LATS2: variants seen among roughly 807,000 people sequenced by gnomAD.
The protein encoded by LATS2 is serine/threonine-protein kinase LATS2.
A neutral mutation model predicts 76.0 loss-of-function variants in LATS2; 24 were observed. That is an observed-to-expected ratio of 0.32 (90% confidence interval 0.23 to 0.44). The LOEUF is 0.44. Among genes scored for constraint, LATS2 ranks in the 20% least tolerant of loss-of-function variants. The pLI is 1.00. For synonymous variants in LATS2, 692 were observed against 635.4 expected (o/e 1.09, Z -1.34); for missense variants, 1,286 against 1,481.2 (o/e 0.87, Z 2.16).
intron 7 of LATS2, among the ~76,000 whole-genome samples, chr13:20,975,845 G>A (rs1401173506): frequency 2.6e-5 from 4 of 152,016 alleles, no homozygotes; most frequent in East Asian, 3.9e-4. Context: ...CACCACACCC[G>A]GCTGATTTTT....
chr13:20,989,342 G>A (rs1870408011), intron 3 of LATS2, 38 bp from the exon 4 acceptor site: 2 of 1,607,268 alleles, frequency 1.2e-6, no homozygotes, highest in Non-Finnish European at 1.7e-6. Flanking sequence ...ATCAGAGTGG[G>A]TGTGATCAGT....
At chr13:21,059,951 C>A (rs761481661) in intron 1 of LATS2, among the ~76,000 whole-genome samples, 4 of 152,204 alleles carry the variant, frequency 2.6e-5, no homozygotes, top group Non-Finnish European at 5.9e-5. Flanking sequence ...GGAGACAGAG[C>A]GAGATCTTGT....
intron 2 of LATS2, among the ~76,000 whole-genome samples, chr13:20,993,035 C>CAAAAA (rs551359225): frequency 3.4e-4 from 30 of 88,974 alleles, no homozygotes; most frequent in African/African-American, 1.5e-3. Flanking sequence ...ACTCCATCTC[C>CAAAAA]AAAAAAAAAA....
chr13:21,010,649 T>C lies in LATS2; in HGVS notation c.343-19245A>G, dbSNP rs532770110. Among the ~76,000 whole-genome samples the C allele has an allele frequency of 1.2e-3, 176 of 152,314 alleles. 1 individual carries two copies. The highest frequency in any genetic ancestry group is 3.7e-3 in the African/African-American group (153 of 41,566). On this transcript the variant is annotated intron_variant, in intron 2 of 7. Coordinates refer to ENST00000382592, the MANE Select transcript of LATS2 (RefSeq NM_014572.3). The stretch of plus-strand genomic sequence containing the variant: ...GGAAGAGCCAATCCCTCAAGATGAA[T>C]CCTGAGCAGCCAACTGGGCCTTAGT...
Position 20,990,461 on chromosome 13 carries a change from A to ATTTTTT in LATS2, c.475+805_475+810dup, listed in dbSNP as rs35074574. ...GGGAAAACTCTTGCTAATTACTAGG[A>ATTTTTT]TTTTTTTTTTTTTTTTTTTTTTTTT... On this transcript the variant is annotated intron_variant, in intron 3 of 7. Transcript: ENST00000382592. Among the ~76,000 whole-genome samples the ATTTTTT allele has an allele frequency of 5.8e-3, 551 of 94,510 alleles. 51 individuals carry two copies. The highest frequency in any genetic ancestry group is 0.012 in the South Asian group (31 of 2,482). 62.0% of individuals were successfully genotyped at this position (94,510 alleles called of 152,430 possible).
chr13:20,989,462 A>T (rs1870413757), intron 3 of LATS2, among the ~76,000 whole-genome samples, 158 bp from the exon 4 acceptor site: 2 of 151,932 alleles, frequency 1.3e-5, no homozygotes, highest in Non-Finnish European at 2.9e-5. Context: ...GGGTCAGTGG[A>T]CTCCCCTCTG....
chr13:20,985,273 A>G (rs1870089633), intron 4 of LATS2, among the ~76,000 whole-genome samples: 1 of 152,248 alleles, frequency 6.6e-6, no homozygotes, highest in African/African-American at 2.4e-5. Flanking sequence ...AAATGGGACT[A>G]TATTAAGCTA....
chr13:20,983,870 T>C, intron 4 of LATS2, 64 bp from the exon 5 acceptor site: 1 of 1,328,200 alleles, frequency 7.5e-7, no homozygotes, highest in Non-Finnish European at 1.0e-6. Context: ...AACAAATGAC[T>C]GGGATGGGGA....
chr13:20,981,673 G>T, intron 5 of LATS2, 25 bp from the exon 6 acceptor site: 1 of 1,563,308 alleles, frequency 6.4e-7, no homozygotes, highest in South Asian at 1.2e-5. Context: ...CAGGGATAGT[G>T]AAAGAAAAGA....
At chr13:21,020,537 A>C (rs1453669378) in intron 2 of LATS2, among the ~76,000 whole-genome samples, 1 of 152,168 alleles carries the variant, frequency 6.6e-6, no homozygotes, top group African/African-American at 2.4e-5. Context: ...ATGTTAAGGG[A>C]AAAAAATCAC....
Position 20,988,094 on chromosome 13 carries a change from C to T in LATS2, c.1686G>A (p.Lys562=), listed in dbSNP as rs1313780861. 3 of 1,614,160 alleles carry T rather than the reference C, an allele frequency of 1.9e-6. No homozygotes were observed. In the African/African-American group the frequency reaches 4.0e-5, roughly 22 times the overall value. ...TTTTATCCTTTCCGCCTTTGTCCCC[C>T]TTGGCGCTTTTGCGGCTCTTGTCGC... ...EGGDKSRKSA[K]GDKGGKDKKQ... Residue 562 remains lysine (K), a synonymous_variant, in exon 4 of 8, where the codon AAG becomes AAA. Transcript: ENST00000382592.
At chr13:21,011,081 T>C (rs544224936) in intron 2 of LATS2, among the ~76,000 whole-genome samples, 2 of 152,390 alleles carry the variant, frequency 1.3e-5, no homozygotes, top group African/African-American at 4.8e-5. Context: ...AACATGGTAA[T>C]GGTAGCTACC....
intron 2 of LATS2, among the ~76,000 whole-genome samples, chr13:21,000,956 C>G (rs536429840): frequency 1.3e-5 from 2 of 152,210 alleles, no homozygotes; most frequent in South Asian, 4.2e-4. Context: ...GTTGAAAGAA[C>G]AGTAATTTCG....
At chr13:21,003,721 C>T (rs1416190476) in intron 2 of LATS2, among the ~76,000 whole-genome samples, 2 of 151,896 alleles carry the variant, frequency 1.3e-5, no homozygotes, top group South Asian at 2.1e-4. Flanking sequence ...GGATTACATG[C>T]GAGAGCCACC....
intron 2 of LATS2, among the ~76,000 whole-genome samples, chr13:21,012,938 A>C (rs1871656367): frequency 6.6e-6 from 1 of 152,212 alleles, no homozygotes; most frequent in South Asian, 2.1e-4. Context: ...AAATGCTCCA[A>C]GTACTTGTTT....
rs1410001859 is a variant in LATS2, at chr13:20,989,416, C to T, written c.476-112G>A. The T allele has an allele frequency of 5.4e-6, 6 of 1,119,050 alleles. No individual in the cohort carries two copies. In the Admixed American group the frequency reaches 1.0e-4, roughly 19 times the overall value. The allele number at this position is 1,119,050 out of a possible 1,614,324, so 69.3% of individuals were successfully genotyped here. A position where few individuals can be genotyped will look rare whatever the true frequency, so the allele number is the denominator to read the frequency against. Reference sequence around the variant, plus strand: ...TGCCCTCGGGGCTGAGGGTCTTGAACCCTGGGCCCTGACGTGCTGCATTCT... The same window carrying T: ...TGCCCTCGGGGCTGAGGGTCTTGAATCCTGGGCCCTGACGTGCTGCATTCT... On this transcript the variant is annotated intron_variant, in intron 3 of 7. Transcript: ENST00000382592.
chr13:20,979,370 G>A (rs1282292183), intron 7 of LATS2, among the ~76,000 whole-genome samples: 2 of 152,010 alleles, frequency 1.3e-5, no homozygotes, highest in African/African-American at 4.8e-5. Context: ...AGGTGTGGGT[G>A]GGGGAGACAG....
chr13:20,986,296 T>C (rs147596822), intron 4 of LATS2, among the ~76,000 whole-genome samples: 1 of 152,164 alleles, frequency 6.6e-6, no homozygotes. Context: ...AGGAAATCAG[T>C]ATATCAAAGG....
chr13:20,983,855 A>G (rs753152787), intron 4 of LATS2, 49 bp from the exon 5 acceptor site: 2 of 1,417,642 alleles, frequency 1.4e-6, no homozygotes, highest in Admixed American at 3.7e-5. Flanking sequence ...GAGAAGTCCC[A>G]TGATAACAAA....
Sources: gnomAD v4.1 joint callset for allele counts (sites outside exome capture counted in the v4.1 genomes callset) on GRCh38, gnomAD v4.1.1 for gene constraint, MANE v1.5 for transcripts, NCBI Gene and HGNC (gene_info 2026-07-23, HGNC 2026-07-21) for gene names.